Variants in MBD2 observed in about 807,000 individuals in gnomAD.
MBD2 encodes the protein methyl-CpG binding domain protein 2.
Under a neutral mutation model 39.3 loss-of-function variants are expected in MBD2, and 9 were observed. The observed-to-expected ratio is 0.23, with a 90% CI of 0.14 to 0.40. The LOEUF (loss-of-function observed/expected upper bound fraction) is 0.40. MBD2 is among the 10% of genes least tolerant of loss of function. The pLI is 1.00. For missense variants in MBD2, 458 were observed against 532.6 expected, an observed-to-expected ratio of 0.86 and a Z score of 1.38; for synonymous variants, 233 against 211.1, an observed-to-expected ratio of 1.10 and a Z score of -0.90.
At chr18:54,213,152 T>C (rs1390849637) in intron 1 of MBD2, among the ~76,000 whole-genome samples, 2 of 151,492 alleles carry the variant, frequency 1.3e-5, no homozygotes, top group African/African-American at 4.9e-5. Flanking sequence ...TAGCTAATAG[T>C]ATTATCTCTA....
chr18:54,172,532 A>T (rs1041439105), intron 3 of MBD2, among the ~76,000 whole-genome samples: 6 of 152,214 alleles, frequency 3.9e-5, no homozygotes, highest in Non-Finnish European at 7.3e-5. Flanking sequence ...ACTAATAGCT[A>T]CTTCTCATGA....
At chr18:54,196,608 C>G (rs1178626505) in intron 2 of MBD2, among the ~76,000 whole-genome samples, 2 of 151,610 alleles carry the variant, frequency 1.3e-5, no homozygotes, top group Non-Finnish European at 3.0e-5. Flanking sequence ...TATTGCTGAC[C>G]TGGAGTCTGC....
At chr18:54,217,069 A>T (rs915940576) in intron 1 of MBD2, among the ~76,000 whole-genome samples, 4 of 152,250 alleles carry the variant, frequency 2.6e-5, no homozygotes, top group African/African-American at 9.6e-5. Flanking sequence ...AGCCTGGGCA[A>T]CAAGAGCGAA....
At chr18:54,165,283 A>T (rs1457864206) in intron 4 of MBD2, among the ~76,000 whole-genome samples, 1 of 152,214 alleles carries the variant, frequency 6.6e-6, no homozygotes, top group Admixed American at 6.5e-5. Context: ...AAAATATCCA[A>T]AATCAGAGAA....
intron 3 of MBD2, among the ~76,000 whole-genome samples, chr18:54,182,607 T>C (rs1436060033): frequency 2.0e-5 from 3 of 152,162 alleles, no homozygotes; most frequent in Admixed American, 6.5e-5. Flanking sequence ...CAGAAAGCAC[T>C]GCAGGGTTTT....
chr18:54,184,243 G>A (rs2086269055), intron 3 of MBD2, among the ~76,000 whole-genome samples: 1 of 152,134 alleles, frequency 6.6e-6, no homozygotes, highest in African/African-American at 2.4e-5. Context: ...CGGCACAGCA[G>A]GAGGTAAGCA....
At chr18:54,214,150 A>G (rs770844052) in intron 1 of MBD2, among the ~76,000 whole-genome samples, 6 of 151,332 alleles carry the variant, frequency 4.0e-5, no homozygotes, top group Non-Finnish European at 8.8e-5. Flanking sequence ...TATAACCCAT[A>G]CATACTATAC....
At position 54,214,172 on chromosome 18, in the gene MBD2, TTTTG is replaced by T. The variant is rs1488425247; in HGVS notation, c.543-9019_543-9016del. The stretch of plus-strand genomic sequence containing the variant: ...CATACATACTATACATATATATATA[TTTTG>T]TTTGTTTCTTTCTTTCTTTGTTTTG... On this transcript the variant is annotated intron_variant, in intron 1 of 6. Coordinates refer to ENST00000256429, the MANE Select transcript of MBD2 (RefSeq NM_003927.5). Among the ~76,000 whole-genome samples the T allele has an allele frequency of 4.3e-4, 65 of 151,512 alleles. No homozygotes were observed. In the South Asian group the frequency reaches 6.0e-3, roughly 14 times the overall value.
chr18:54,166,537 A>G (rs2086134112), intron 3 of MBD2, among the ~76,000 whole-genome samples: 1 of 152,208 alleles, frequency 6.6e-6, no homozygotes. Context: ...AAAGAAAACA[A>G]ATTACGTGAT....
chr18:54,212,152 T>C (rs539934875), intron 1 of MBD2, among the ~76,000 whole-genome samples: 3 of 152,262 alleles, frequency 2.0e-5, no homozygotes, highest in Middle Eastern at 3.4e-3. Context: ...AATCACTCTA[T>C]TCTGAATAGT....
In MBD2 at chr18:54,152,273, G is replaced by A. The variant is rs2086026527; in HGVS notation, c.*3051C>T. 1 of 152,222 alleles carries A rather than the reference G, an allele frequency of 6.6e-6. No homozygotes were observed. Among genetic ancestry groups the A allele is most frequent in the Non-Finnish European group, 1.5e-5 (1 of 68,108 alleles). The allele number at this position is 152,222 out of a possible 1,614,324, so 9.4% of individuals were successfully genotyped here. A position where few individuals can be genotyped will look rare whatever the true frequency, so the allele number is the denominator to read the frequency against. On this transcript the variant is annotated 3_prime_UTR_variant, in exon 7 of 7. Transcript: ENST00000256429. ...GCAGGCAAAGGGTGTTTCAGGCAAAGGGAACAACAGGTACAAAGACACAGA... is the reference window on the plus strand; with the variant it reads ...GCAGGCAAAGGGTGTTTCAGGCAAAAGGAACAACAGGTACAAAGACACAGA...
chr18:54,204,959 T>C, intron 2 of MBD2, 39 bp downstream of exon 2: 1 of 1,580,826 alleles, frequency 6.3e-7, no homozygotes, highest in Non-Finnish European at 8.6e-7. Context: ...TGAAGAGCTT[T>C]CGAAGTAGCA....
intron 3 of MBD2, among the ~76,000 whole-genome samples, chr18:54,178,728 T>C (rs925501819): frequency 6.6e-6 from 1 of 152,202 alleles, no homozygotes; most frequent in African/African-American, 2.4e-5. Context: ...AAAGCTCATA[T>C]ACAGACTGAG....
chr18:54,218,795 T>C (rs1467033068), intron 1 of MBD2, among the ~76,000 whole-genome samples: 1 of 151,858 alleles, frequency 6.6e-6, no homozygotes, highest in Admixed American at 6.6e-5. Flanking sequence ...ACTCCGTCTC[T>C]AACTAAAAAT....
At position 54,151,843 on chromosome 18, in the gene MBD2, A is replaced by C. The variant is rs887523242; in HGVS notation, c.*3481T>G. 2.1e-4 allele frequency: 32 copies of C among 151,640 alleles called. No individual in the cohort carries two copies. The highest frequency in any genetic ancestry group is 2.0e-4 in the Admixed American group (3 of 15,220). The allele number at this position is 151,640 out of a possible 1,614,324, so 9.4% of individuals were successfully genotyped here. A position where few individuals can be genotyped will look rare whatever the true frequency, so the allele number is the denominator to read the frequency against. On this transcript the variant is annotated 3_prime_UTR_variant, in exon 7 of 7. Transcript: ENST00000256429. ...TCCTCTTTAGACCAAAAAAAAAAAA[A>C]AAAACACCCTGGAAGCCACCAAGGG...
At chr18:54,156,812 C>T (rs1599071514) in intron 6 of MBD2, among the ~76,000 whole-genome samples, 1 of 152,048 alleles carries the variant, frequency 6.6e-6, no homozygotes, top group East Asian at 1.9e-4. Context: ...GAGATTGCAC[C>T]CCTGTACTCC....
At chr18:54,180,903 CTT>C (rs1189903798) in intron 3 of MBD2, among the ~76,000 whole-genome samples, 1 of 49,878 alleles carries the variant, frequency 2.0e-5, no homozygotes. Flanking sequence ...TTTTCTTTTT[CTT>C]TTTTTTTTTT....
intron 1 of MBD2, among the ~76,000 whole-genome samples, chr18:54,220,266 T>C (rs1329766599): frequency 6.6e-6 from 1 of 152,056 alleles, no homozygotes; most frequent in Non-Finnish European, 1.5e-5. Flanking sequence ...GCAACAAACT[T>C]TTTCAGAAAA....
intron 1 of MBD2, among the ~76,000 whole-genome samples, chr18:54,220,388 C>T (rs941598518): frequency 3.9e-5 from 6 of 152,084 alleles, no homozygotes; most frequent in African/African-American, 1.4e-4. Flanking sequence ...AATTATATTG[C>T]GTTAACTGGC....
Sources: allele counts gnomAD v4.1 joint callset (sites outside exome capture counted in the v4.1 genomes callset), GRCh38; gene constraint gnomAD v4.1.1; transcripts MANE v1.5; gene names NCBI Gene and HGNC (gene_info 2026-07-23, HGNC 2026-07-21).